Variants in MCF2L observed in about 807,000 individuals in gnomAD.
MCF2L encodes the protein MCF.2 cell line derived transforming sequence like, also known as guanine nucleotide exchange factor DBS.
A neutral mutation model predicts 153.4 loss-of-function variants in MCF2L; 97 were observed. The observed-to-expected ratio is 0.63, with a 90% CI of 0.54 to 0.75. MCF2L has a LOEUF of 0.75. Ranked by LOEUF, MCF2L falls within the 30% of genes least tolerant of loss-of-function variation. The pLI, the probability that MCF2L is intolerant of heterozygous loss-of-function variation, is 0.00. For missense variants in MCF2L, 1,347 were observed against 1,495.2 expected (o/e 0.90, Z 1.64); for synonymous variants, 659 against 632.2 (o/e 1.04, Z -0.64).
At chr13:113,002,127 G>A (rs556151240) in intron 1 of MCF2L, 53 of 1,028,864 alleles carry the variant, frequency 5.2e-5, no homozygotes, top group East Asian at 3.4e-4. Flanking sequence ...GGGGGATGCC[G>A]GGGATGGATG....
intron 1 of MCF2L, among the ~76,000 whole-genome samples, chr13:112,988,961 T>C (rs79431359): frequency 1.6e-4 from 16 of 98,534 alleles, no homozygotes; most frequent in East Asian, 9.9e-4. Context: ...CTATCACGCC[T>C]GAGTCCTCCC....
chr13:112,903,445 G>A (rs899552210), intron 2 of MCF2L, among the ~76,000 whole-genome samples: 9 of 152,314 alleles, frequency 5.9e-5, no homozygotes, highest in African/African-American at 2.2e-4. Flanking sequence ...GGTGAGAACT[G>A]CCCTGGCCCT....
Position 113,060,664 on chromosome 13 carries a change from C to T in MCF2L, c.441C>T (p.Ser147=), listed in dbSNP as rs2031244613. Residue 147 remains serine (S), a synonymous_variant, in exon 5 of 30, where the codon TCC becomes TCT. Coordinates refer to ENST00000535094, the MANE Select transcript of MCF2L (RefSeq NM_001112732.3). The part of the protein sequence containing the change: ...RPTGFFQRTL[S]DIAFKFNRDD... ...CGGGTTTTTTCCAAAGGACTCTCTC[C>T]GACATCGCTTTCAAATTCAATAGAG... The T allele has an allele frequency of 6.8e-6, 11 of 1,613,700 alleles. No homozygotes were observed. The highest frequency in any genetic ancestry group is 2.2e-5 in the East Asian group (1 of 44,880).
chr13:113,095,273 G>A (rs1470760736), intron 27 of MCF2L: 2 of 1,188,818 alleles, frequency 1.7e-6, no homozygotes, highest in East Asian at 6.0e-5. Flanking sequence ...GGCTGGAGGT[G>A]CAAAGGGGAC....
At chr13:112,978,347 C>T (rs2082284199) in intron 1 of MCF2L, among the ~76,000 whole-genome samples, 1 of 152,190 alleles carries the variant, frequency 6.6e-6, no homozygotes, top group Non-Finnish European at 1.5e-5. Flanking sequence ...CTTGGGACCA[C>T]CTTGTTGCGT....
intron 1 of MCF2L, among the ~76,000 whole-genome samples, chr13:112,984,299 G>C (rs966713919): frequency 1.3e-4 from 19 of 151,588 alleles, no homozygotes; most frequent in Admixed American, 3.3e-4. Flanking sequence ...GCAATGGTGT[G>C]ATCTTGGCTC....
rs2086762542 is a variant in MCF2L, at chr13:113,045,588, T to C, written c.369+227T>C. ...ATGAAGGAACTCTTAGGGAGCCCAA[T>C]GTGACTTGCAAACAATTTCCCCAGG... On this transcript the variant is annotated intron_variant, in intron 4 of 29. Transcript: ENST00000535094. This position sits in a 1 kb window ranked among gnomAD's most constrained non-coding sequence, Gnocchi z 4.2. The C allele has an allele frequency of 6.9e-6, 4 of 579,640 alleles. No individual in the cohort carries two copies. In the East Asian group the frequency reaches 8.4e-5, roughly 12 times the overall value. The allele number at this position is 579,640 out of a possible 1,614,324, so 35.9% of individuals were successfully genotyped here. A position where few individuals can be genotyped will look rare whatever the true frequency, so the allele number is the denominator to read the frequency against.
intron 2 of MCF2L, among the ~76,000 whole-genome samples, chr13:112,925,743 C>A (rs531777785): frequency 1.3e-5 from 2 of 152,116 alleles, no homozygotes; most frequent in East Asian, 1.9e-4. Flanking sequence ...TACATACATA[C>A]GTTTGATGTG....
At chr13:113,000,235 G>C (rs765132191) in intron 1 of MCF2L, among the ~76,000 whole-genome samples, 1 of 152,206 alleles carries the variant, frequency 6.6e-6, no homozygotes, top group Non-Finnish European at 1.5e-5. Context: ...TGTGGCTCAG[G>C]GGGCAGCTCA....
rs748639937 is a variant in MCF2L, at chr13:113,084,187, A to G, written c.2061+120A>G. The G allele has an allele frequency of 1.0e-4, 88 of 878,692 alleles. No homozygotes were observed. In the Middle Eastern group the frequency reaches 1.3e-3, roughly 13 times the overall value. 54.4% of individuals were successfully genotyped at this position (878,692 alleles called of 1,614,324 possible). A position where few individuals can be genotyped will look rare whatever the true frequency, so the allele number is the denominator to read the frequency against. ...GAAATCACAAAATACGATGTTTTCA[A>G]TTTGGCTGAGATACCATGATGCTCC... is the stretch of plus-strand genomic sequence containing the variant. On this transcript the variant is annotated intron_variant, in intron 18 of 29. Coordinates refer to ENST00000535094, the MANE Select transcript of MCF2L (RefSeq NM_001112732.3).
In MCF2L at chr13:113,024,666, C is replaced by G; in HGVS notation, c.186C>G (p.Ser62Arg). The change falls in exon 3 of 30, where the codon AGC becomes AGG. Residue 62 changes from serine to arginine, a missense_variant. Ser to Arg is a moderately radical substitution (Grantham distance 110). Coordinates refer to ENST00000535094, the MANE Select transcript of MCF2L (RefSeq NM_001112732.3). ...CAGGTGGGCGGGGGCAGGACGGAAG[C>G]CCGGTTATCACCTTCCCTGACTACC... is the stretch of plus-strand genomic sequence containing the variant. ...YLSGGRGQDG[S>R]PVITFPDYPA... 1 of 1,614,024 alleles carries G rather than the reference C, an allele frequency of 6.2e-7. No homozygotes were observed.
At chr13:113,019,872 A>G (rs940553700) in intron 2 of MCF2L, among the ~76,000 whole-genome samples, 9 of 152,204 alleles carry the variant, frequency 5.9e-5, no homozygotes, top group Admixed American at 1.3e-4. Flanking sequence ...CCGTCACCAG[A>G]CACCAAGTCT....
chr13:113,090,255 G>A (rs2035075190), intron 26 of MCF2L: 5 of 1,373,904 alleles, frequency 3.6e-6, no homozygotes, highest in Non-Finnish European at 4.8e-6. Flanking sequence ...CACAAGGGCG[G>A]CCACGCAAAA....
chr13:112,900,784 G>A (rs1486262134), intron 1 of MCF2L, among the ~76,000 whole-genome samples: 1 of 152,148 alleles, frequency 6.6e-6, no homozygotes, highest in East Asian at 1.9e-4. Flanking sequence ...TCCATGTGGT[G>A]GGGCAGTGGT....
At chr13:112,923,631 G>A (rs1268146277) in intron 2 of MCF2L, among the ~76,000 whole-genome samples, 1 of 151,926 alleles carries the variant, frequency 6.6e-6, no homozygotes, top group Non-Finnish European at 1.5e-5. Context: ...CAAATTGTTT[G>A]TTTTTTGCCA....
chr13:113,070,709 A>G lies in MCF2L; in HGVS notation c.996+536A>G, dbSNP rs2032826561. Among the ~76,000 whole-genome samples, 1 of 152,228 alleles carries G rather than the reference A, an allele frequency of 6.6e-6. No individual in the cohort carries two copies. The highest frequency in any genetic ancestry group is 2.1e-4 in the South Asian group (1 of 4,836). On this transcript the variant is annotated intron_variant, in intron 9 of 29. Coordinates refer to ENST00000535094, the MANE Select transcript of MCF2L (RefSeq NM_001112732.3). This position sits in a 1 kb window ranked among gnomAD's most constrained non-coding sequence, Gnocchi z 5.6. Reference sequence around the variant, plus strand: ...AGAATGTGACATTAATGAATCCCACAGAATGTCACTCTCGGGATTTGTTTG... The same window carrying G: ...AGAATGTGACATTAATGAATCCCACGGAATGTCACTCTCGGGATTTGTTTG...
intron 1 of MCF2L, among the ~76,000 whole-genome samples, chr13:112,981,094 C>T (rs1275174090): frequency 1.3e-5 from 2 of 150,588 alleles, no homozygotes; most frequent in African/African-American, 4.9e-5. Flanking sequence ...GACCCCGACA[C>T]GTCCCTTCCT....
intron 1 of MCF2L, among the ~76,000 whole-genome samples, chr13:112,987,322 C>A (rs1294584478): frequency 6.6e-6 from 1 of 152,262 alleles, no homozygotes. Flanking sequence ...ACCTTGTGGA[C>A]GCAGCCCAGG....
chr13:113,074,788 C>T lies in MCF2L; in HGVS notation c.1117-210C>T, dbSNP rs113291079. The stretch of plus-strand genomic sequence containing the variant: ...CTCCTCTGGGTCAGGTCCCTGCAGA[C>T]GGTCAATGCCTTTGCTGGGACCACC... On this transcript the variant is annotated intron_variant, in intron 10 of 29. Coordinates refer to ENST00000535094, the MANE Select transcript of MCF2L (RefSeq NM_001112732.3). This position sits in a 1 kb window ranked among gnomAD's most constrained non-coding sequence, Gnocchi z 4.2. Among the ~76,000 whole-genome samples the T allele has an allele frequency of 6.2e-3, 948 of 152,222 alleles. 8 individuals are homozygous for T. Among genetic ancestry groups the T allele is most frequent in the African/African-American group, 0.022 (898 of 41,556 alleles).
Sources: allele counts gnomAD v4.1 joint callset (sites outside exome capture counted in the v4.1 genomes callset), GRCh38; gene constraint gnomAD v4.1.1; non-coding constraint Gnocchi (gnomAD v3.1); transcripts MANE v1.5; gene names NCBI Gene and HGNC (gene_info 2026-07-23, HGNC 2026-07-21).